Variants in MCM3 observed in about 807,000 individuals in gnomAD.
The protein encoded by MCM3 is minichromosome maintenance complex component 3, also known as DNA replication licensing factor MCM3.
MCM3 carries 59 observed loss-of-function variants against 91.3 expected under a neutral mutation model. The ratio of observed to expected loss-of-function variants is 0.65; its 90% confidence interval spans 0.52 to 0.80. MCM3 has a LOEUF of 0.80. Ranked by LOEUF, MCM3 falls within the 30% of genes least tolerant of loss-of-function variation. The probability of loss-of-function intolerance (pLI) is 0.00; values close to 1 mark genes in which losing one functional copy is unlikely to be tolerated. For missense variants in MCM3, 919 were observed against 1,035.4 expected (o/e 0.89, Z 1.54); for synonymous variants, 383 against 379.6 (o/e 1.01, Z -0.10).
In MCM3 at chr6:52,276,406, G is replaced by A; in HGVS notation, c.1236C>T (p.Asp412=). The A allele has an allele frequency of 6.2e-7, 1 of 1,614,206 alleles. No homozygotes were observed. The highest frequency in any genetic ancestry group is 8.5e-7 in the Non-Finnish European group (1 of 1,180,042). The change falls in exon 9 of 17, where the codon GAC becomes GAT. Residue 412 remains aspartate, a synonymous_variant. Coordinates refer to ENST00000596288, the MANE Select transcript of MCM3 (RefSeq NM_002388.6). ...DRGVVCIDEF[D]KMSDMDRTAI... is the part of the protein sequence containing the mutation. ...CTGTGCGATCCATGTCAGACATTTT[G>A]TCAAATTCATCAATGCAAACCACGC...
intron 4 of MCM3, among the ~76,000 whole-genome samples, chr6:52,280,795 C>T (rs1386159329): frequency 6.6e-6 from 1 of 152,214 alleles, no homozygotes; most frequent in Non-Finnish European, 1.5e-5. Context: ...AGACACAGGT[C>T]CTAGTCCTTA....
Position 52,276,291 on chromosome 6 carries a change from C to T in MCM3, c.1351G>A (p.Ala451Thr). Residue 451 changes from alanine (A) to threonine (T), a missense_variant, in exon 9 of 17, where the codon GCT becomes ACT. Ala to Thr is a moderately conservative substitution (Grantham distance 58, BLOSUM62 0). Around this residue, in one of 3 missense-constraint regions of MCM3, gnomAD observed 233 missense variants for 321.2 expected, o/e 0.73. Coordinates refer to ENST00000596288, the MANE Select transcript of MCM3 (RefSeq NM_002388.6). ...ACCCTGCCGTAGACAGGGTTGGCAG[C>T]TGCCAAAACACTGCAGCGGGCATTC... ...RLNARCSVLAAANPVYGRYDQ... is the reference protein window; with the variant it reads ...RLNARCSVLATANPVYGRYDQ... 6.2e-7 allele frequency: 1 copy of T among 1,612,016 alleles called. No homozygotes were observed. The highest frequency in any genetic ancestry group is 8.5e-7 in the Non-Finnish European group (1 of 1,179,668).
intron 1 of MCM3, among the ~76,000 whole-genome samples, chr6:52,283,926 T>G (rs910717904): frequency 2.6e-5 from 4 of 152,044 alleles, no homozygotes; most frequent in African/African-American, 9.7e-5. Context: ...GGCTTTTCAT[T>G]TAAGAATTAT....
chr6:52,273,794 G>A lies in MCM3; in HGVS notation c.1497C>T (p.Asp499=), dbSNP rs1238268793. 4 of 1,614,046 alleles carry A rather than the reference G, an allele frequency of 2.5e-6. No individual in the cohort carries two copies. The highest frequency in any genetic ancestry group is 1.1e-5 in the South Asian group (1 of 91,078). Residue 499 remains aspartate, a synonymous_variant, in exon 10 of 17, where the codon GAC becomes GAT. Coordinates refer to ENST00000596288, the MANE Select transcript of MCM3 (RefSeq NM_002388.6). The part of the protein sequence containing the change: ...MDPEQDREIS[D]HVLRMHRYRA... ...TGTAACGGTGCATCCGAAGGACATG[G>A]TCTGAGATCTCCCGATCCTGCTCAG... is the stretch of plus-strand genomic sequence containing the variant.
chr6:52,282,219 G>A (rs375046782), intron 3 of MCM3, 44 bp from the exon 4 acceptor site: 37 of 1,601,296 alleles, frequency 2.3e-5, no homozygotes, highest in African/African-American at 1.9e-4. Flanking sequence ...CCAACTAGAC[G>A]ATGATACAGG....
chr6:52,282,909 A>G, intron 2 of MCM3, 48 bp from the exon 3 acceptor site: 1 of 1,376,466 alleles, frequency 7.3e-7, no homozygotes, highest in Non-Finnish European at 1.0e-6. Context: ...AGAACTCAAA[A>G]AAATGGATCC....
At position 52,264,253 on chromosome 6, in the gene MCM3, T is replaced by A. The variant is rs939377535; in HGVS notation, c.*335A>T. 8.1e-6 allele frequency: 2 copies of A among 246,878 alleles called. No homozygotes were observed. Among genetic ancestry groups the A allele is most frequent in the East Asian group, 9.9e-5 (1 of 10,054 alleles). 15.3% of individuals were successfully genotyped at this position (246,878 alleles called of 1,614,324 possible). A position where few individuals can be genotyped will look rare whatever the true frequency, so the allele number is the denominator to read the frequency against. Reference sequence around the variant, plus strand: ...CAAAAAAACAGCAAACAGAAAACAGTTGTGCCCCCAAAAGTACTCAGAAGT... The same window carrying A: ...CAAAAAAACAGCAAACAGAAAACAGATGTGCCCCCAAAAGTACTCAGAAGT... On this transcript the variant is annotated 3_prime_UTR_variant, in exon 17 of 17. Transcript: ENST00000596288.
Position 52,274,303 on chromosome 6 carries a change from C to T in MCM3, c.1375-387G>A, listed in dbSNP as rs533367894. ...CAGGGCAAGTTGGTTAGGCTACAAG[C>T]ACTTAGAACTTTTTGGAGTCCCTTA... is the stretch of plus-strand genomic sequence containing the variant. On this transcript the variant is annotated intron_variant, in intron 9 of 16. Coordinates refer to ENST00000596288, the MANE Select transcript of MCM3 (RefSeq NM_002388.6). Among the ~76,000 whole-genome samples the T allele has an allele frequency of 6.6e-5, 10 of 152,250 alleles. No individual in the cohort carries two copies. The East Asian group carries it at 1.9e-3, about 29-fold the overall frequency.
In MCM3 at chr6:52,269,131, A is replaced by G. The variant is rs749610289; in HGVS notation, c.1923T>C (p.Asp641=). Residue 641 remains aspartate, a synonymous_variant, in exon 13 of 17, where the codon GAT becomes GAC. Transcript: ENST00000596288. ...GGACCAACTCCACAGCTTCCTCTGC[A>G]TCCTGCAGGTCCACAGTCTTGCTCA... is the stretch of plus-strand genomic sequence containing the variant. ...ARMSKTVDLQ[D]AEEAVELVQY... is the part of the protein sequence containing the mutation. 1 of 1,614,060 alleles carries G rather than the reference A, an allele frequency of 6.2e-7. No individual in the cohort carries two copies. Among genetic ancestry groups the G allele is most frequent in the South Asian group, 1.1e-5 (1 of 91,062 alleles).
intron 8 of MCM3, among the ~76,000 whole-genome samples, chr6:52,276,816 A>G (rs1765609797): frequency 6.6e-6 from 1 of 152,200 alleles, no homozygotes; most frequent in Non-Finnish European, 1.5e-5. Flanking sequence ...TAGTTCATAA[A>G]ATAGTACAAT....
intron 4 of MCM3, among the ~76,000 whole-genome samples, chr6:52,281,311 C>T (rs1766073707): frequency 6.6e-6 from 1 of 152,142 alleles, no homozygotes; most frequent in Non-Finnish European, 1.5e-5. Flanking sequence ...GTTAAAACAT[C>T]TATGTAGATG....
chr6:52,277,298 G>A (rs1765662245), intron 7 of MCM3, 100 bp from the exon 8 acceptor site: 6 of 1,259,636 alleles, frequency 4.8e-6, no homozygotes, highest in East Asian at 4.8e-5. Flanking sequence ...GAGTCACACA[G>A]TAAGTGGATT....
At chr6:52,265,389 CAAAAAGTAAAAAATAAACACTGTA>C (rs1413512654) in intron 16 of MCM3, 10 of 261,820 alleles carry the variant, frequency 3.8e-5, no homozygotes, top group Admixed American at 2.6e-4. Context: ...CCCGTCTCTA[CAAAAAGTAAAAAATAAACACTGTA>C]AAAAAGTAAA....
intron 12 of MCM3, among the ~76,000 whole-genome samples, chr6:52,270,814 A>G (rs530118519): frequency 6.6e-6 from 1 of 152,360 alleles, no homozygotes; most frequent in Non-Finnish European, 1.5e-5. Context: ...CACAACCTCC[A>G]GAAAACAAGA....
intron 9 of MCM3, among the ~76,000 whole-genome samples, chr6:52,275,260 G>A (rs1464307241): frequency 6.6e-6 from 1 of 152,162 alleles, no homozygotes; most frequent in Admixed American, 6.5e-5. Flanking sequence ...ATACACTGTG[G>A]GATTGATTAT....
rs1484452564 is a variant in MCM3 at position 52,278,765 on chromosome 6, T to C, written c.856A>G (p.Lys286Glu). 6.2e-7 allele frequency: 1 copy of C among 1,613,602 alleles called. No homozygotes were observed. The highest frequency in any genetic ancestry group is 8.5e-7 in the Non-Finnish European group (1 of 1,179,716). The change falls in exon 6 of 17, where the codon AAG (lysine) becomes GAG (glutamate). Residue 286 changes from lysine (K) to glutamate (E), a missense_variant. By Grantham distance (56) the Lys-to-Glu change is moderately conservative (BLOSUM62 1). Transcript: ENST00000596288. Reference protein sequence around the residue: ...FSAEDIAKIKKFSKTRSKDIF... With the variant: ...FSAEDIAKIKEFSKTRSKDIF... ...ACCTTGGATCGGGTTTTACTGAACT[T>C]CTTGATCTTGGCTATATCCTCAGCA...
chr6:52,273,097 A>G, intron 11 of MCM3, 133 bp downstream of exon 11: 1 of 1,003,856 alleles, frequency 1.0e-6, no homozygotes, highest in South Asian at 1.5e-5. Flanking sequence ...GAAGAAAATT[A>G]ATCCACGTGG....
Position 52,278,613 on chromosome 6 carries a change from G to C in MCM3, c.879+129C>G, listed in dbSNP as rs377577814. On this transcript the variant is annotated intron_variant, in intron 6 of 16. Coordinates refer to ENST00000596288, the MANE Select transcript of MCM3 (RefSeq NM_002388.6). Reference sequence around the variant, plus strand: ...AAAACACCCTTCATTTGTTGATTGAGACAAAAATAGAAAAAGCTAACACCA... The same window carrying C: ...AAAACACCCTTCATTTGTTGATTGACACAAAAATAGAAAAAGCTAACACCA... 8.3e-4 allele frequency: 495 copies of C among 595,242 alleles called. 2 individuals carry two copies. Among genetic ancestry groups the C allele is most frequent in the Middle Eastern group, 8.1e-3 (18 of 2,226 alleles). The allele number at this position is 595,242 out of a possible 1,614,324, so 36.9% of individuals were successfully genotyped here.
intron 16 of MCM3, 29 bp from the exon 17 acceptor site, chr6:52,264,815 G>A: frequency 1.2e-6 from 2 of 1,605,146 alleles, no homozygotes; most frequent in Non-Finnish European, 1.7e-6. Context: ...AGGGGGAAGA[G>A]GAGTAAACAA....
Sources: allele counts gnomAD v4.1 joint callset (sites outside exome capture counted in the v4.1 genomes callset), GRCh38; gene constraint gnomAD v4.1.1; regional missense constraint gnomAD v4.1.1; transcripts MANE v1.5; gene names NCBI Gene and HGNC (gene_info 2026-07-23, HGNC 2026-07-21).